The following STK33 variants were observed in gnomAD, a reference collection of about 807,000 sequenced individuals.
The protein encoded by STK33 is serine/threonine-protein kinase 33.
Under a neutral mutation model 58.0 loss-of-function variants are expected in STK33, and 52 were observed. The ratio of observed to expected loss-of-function variants is 0.90; its 90% CI spans 0.72 to 1.13. STK33 has a LOEUF of 1.13. Among genes scored for constraint, STK33 ranks in the 50% most tolerant of loss-of-function variants. The probability of loss-of-function intolerance (pLI) is 0.00; values close to 1 mark genes in which losing one functional copy is unlikely to be tolerated. For synonymous variants in STK33, 215 were observed against 200.1 expected (o/e 1.07, Z -0.63); for missense variants, 630 against 604.2 (o/e 1.04, Z -0.45).
At chr11:8,574,013 G>A (rs144890062) in intron 1 of STK33, among the ~76,000 whole-genome samples, 48 of 152,262 alleles carry the variant, frequency 3.2e-4, no homozygotes, top group African/African-American at 1.1e-3. Flanking sequence ...CAAAGTTCGT[G>A]GTTACACAAG....
chr11:8,414,500 C>T (rs1402600656), intron 14 of STK33, among the ~76,000 whole-genome samples: 3 of 152,076 alleles, frequency 2.0e-5, no homozygotes, highest in East Asian at 1.9e-4. Flanking sequence ...GGCTATGAAG[C>T]GATTCTAAAT....
chr11:8,335,049 A>C, the STK33 span, among the ~76,000 whole-genome samples: 1 of 152,210 alleles, frequency 6.6e-6, no homozygotes, highest in African/African-American at 2.4e-5. Flanking sequence ...GATCCTGAGG[A>C]GGTGCCAGGA....
downstream of STK33, among the ~76,000 whole-genome samples, chr11:8,391,326 C>G (rs557023489): frequency 6.6e-6 from 1 of 152,196 alleles, no homozygotes; most frequent in Non-Finnish European, 1.5e-5. Flanking sequence ...CCTTGGCCAG[C>G]AGGTTCCCCC....
At chr11:8,449,920 T>C (rs1168657744) in intron 11 of STK33, among the ~76,000 whole-genome samples, 2 of 152,144 alleles carry the variant, frequency 1.3e-5, no homozygotes, top group African/African-American at 4.8e-5. Context: ...CTGGAGAGGA[T>C]GTGGAGAAAT....
chr11:8,529,181 C>T (rs1379204883), intron 1 of STK33, among the ~76,000 whole-genome samples: 1 of 152,174 alleles, frequency 6.6e-6, no homozygotes, highest in African/African-American at 2.4e-5. Context: ...GCCATCTATT[C>T]ATCAATAATA....
In STK33 at chr11:8,413,516, T is replaced by G. The variant is rs776489713; in HGVS notation, c.1323A>C (p.Ser441=). ...CTACCTGTTTTTCCTCCTCTTCATC[T>G]GAAGTGTAATTGGCATCAGGGACAT... The part of the protein sequence containing the change: ...WGNVPDANYT[S]DEEEEKQSTA... Residue 441 remains serine, a synonymous_variant, in exon 15 of 16, where the codon TCA becomes TCC. Transcript: ENST00000687296. 1 of 1,613,976 alleles carries G rather than the reference T, an allele frequency of 6.2e-7. No homozygotes were observed. Among genetic ancestry groups the G allele is most frequent in the Admixed American group, 1.7e-5 (1 of 60,014 alleles).
chr11:8,552,817 C>G (rs949111254), intron 1 of STK33, among the ~76,000 whole-genome samples: 6 of 151,858 alleles, frequency 4.0e-5, no homozygotes, highest in Admixed American at 3.3e-4. Context: ...TAACAGTTAA[C>G]TTTTTTTAAT....
At position 8,549,311 on chromosome 11, in the gene STK33, T is replaced by TG. The variant is rs1240903816; in HGVS notation, c.-466+44771dup. On this transcript the variant is annotated intron_variant, in intron 1 of 15. Coordinates refer to ENST00000687296, the MANE Select transcript of STK33 (RefSeq NM_001352389.2). ...ATATGATGAACCATCCTTGCATCCCTGGTGTAAATCACACTTGATTGTGCT... is the reference window on the plus strand; with the variant it reads ...ATATGATGAACCATCCTTGCATCCCTGGGTGTAAATCACACTTGATTGTGCT... Among the ~76,000 whole-genome samples, 4 of 152,342 alleles carry TG rather than the reference T, an allele frequency of 2.6e-5. No individual in the cohort carries two copies. In the East Asian group the frequency reaches 7.7e-4, roughly 29 times the overall value.
chr11:8,425,166 G>A (rs1339973144), intron 14 of STK33, among the ~76,000 whole-genome samples: 1 of 151,922 alleles, frequency 6.6e-6, no homozygotes, highest in East Asian at 1.9e-4. Flanking sequence ...TTTTGTATAA[G>A]GTGTAAGGAA....
At chr11:8,393,338 TA>T (rs1848832531) in intron 15 of STK33, among the ~76,000 whole-genome samples, 1 of 152,206 alleles carries the variant, frequency 6.6e-6, no homozygotes, top group Non-Finnish European at 1.5e-5. Context: ...ATGTGAGCTT[TA>T]AAGTAGAAAA....
intron 12 of STK33, among the ~76,000 whole-genome samples, chr11:8,436,410 T>C (rs1483044053): frequency 1.3e-5 from 2 of 152,116 alleles, no homozygotes; most frequent in African/African-American, 4.8e-5. Flanking sequence ...GACCCAAAGC[T>C]CTTGCAGGTG....
intron 14 of STK33, among the ~76,000 whole-genome samples, chr11:8,420,554 A>G (rs1941763780): frequency 1.3e-5 from 2 of 152,254 alleles, no homozygotes; most frequent in Non-Finnish European, 2.9e-5. Flanking sequence ...ACTAGAAAAC[A>G]AACAATAACT....
At chr11:8,507,566 T>C (rs1429300261) in intron 1 of STK33, among the ~76,000 whole-genome samples, 9 of 151,994 alleles carry the variant, frequency 5.9e-5, no homozygotes, top group Admixed American at 5.9e-4. Flanking sequence ...AAGGAGGAAA[T>C]ATAGAGCATG....
chr11:8,558,137 G>A (rs561950553), intron 1 of STK33, among the ~76,000 whole-genome samples: 237 of 152,164 alleles, frequency 1.6e-3, no homozygotes, highest in African/African-American at 5.1e-3. Context: ...TGGATTACCT[G>A]CAAAAAAAGG....
At chr11:8,532,031 CT>C (rs1190739137) in intron 1 of STK33, among the ~76,000 whole-genome samples, 6 of 152,158 alleles carry the variant, frequency 3.9e-5, no homozygotes, top group African/African-American at 1.4e-4. Context: ...GTATATGAAA[CT>C]TTTAAAGAAG....
chr11:8,567,476 T>C (rs141292629), intron 1 of STK33, among the ~76,000 whole-genome samples: 57 of 152,300 alleles, frequency 3.7e-4, no homozygotes, highest in African/African-American at 1.3e-3. Context: ...TTTCAGAGAA[T>C]ATAAAGAAAA....
chr11:8,462,505 T>C (rs976729735), intron 7 of STK33, among the ~76,000 whole-genome samples: 7 of 145,896 alleles, frequency 4.8e-5, no homozygotes, highest in Admixed American at 6.9e-5. Context: ...GAAAAAATAA[T>C]AGGCAATGAG....
At chr11:8,412,850 T>C (rs1940505871) in intron 15 of STK33, among the ~76,000 whole-genome samples, 2 of 152,234 alleles carry the variant, frequency 1.3e-5, no homozygotes, top group Non-Finnish European at 2.9e-5. Context: ...TTTGTCAGGA[T>C]ATCCAGTTAA....
chr11:8,408,301 T>C (rs543446450), intron 15 of STK33, among the ~76,000 whole-genome samples: 1 of 152,318 alleles, frequency 6.6e-6, no homozygotes, highest in Admixed American at 6.5e-5. Context: ...AGGATATGCA[T>C]AGCATGGCCA....
Sources: allele counts gnomAD v4.1 joint callset (sites outside exome capture counted in the v4.1 genomes callset), GRCh38; gene constraint gnomAD v4.1.1; transcripts MANE v1.5; gene names NCBI Gene and HGNC (gene_info 2026-07-23, HGNC 2026-07-21).